MYO18A: variants seen among roughly 807,000 people sequenced by gnomAD.
The protein encoded by MYO18A is myosin XVIIIA.
MYO18A carries 78 observed loss-of-function variants against 235.8 expected under a neutral mutation model. The observed-to-expected ratio is 0.33, with a 90% confidence interval of 0.28 to 0.40. The LOEUF is 0.40. Ranked by LOEUF, MYO18A falls within the 10% of genes least tolerant of loss-of-function variation. The pLI, the probability that MYO18A is intolerant of heterozygous loss-of-function variation, is 1.00. For synonymous variants in MYO18A, 977 were observed against 1,077.8 expected (o/e 0.91, Z 1.83); for missense variants, 2,215 against 2,699.3 (o/e 0.82, Z 3.98).
intron 10 of MYO18A, 32 bp from the exon 11 acceptor site, chr17:29,116,487 A>G (rs765417923): frequency 8.1e-6 from 13 of 1,613,814 alleles, no homozygotes; most frequent in South Asian, 2.2e-5. Flanking sequence ...TGCAGCATGC[A>G]AAGAAAAACA....
chr17:29,112,757 GA>G (rs1188315872), intron 15 of MYO18A, among the ~76,000 whole-genome samples: 1 of 152,212 alleles, frequency 6.6e-6, no homozygotes, highest in Non-Finnish European at 1.5e-5. Context: ...AAAGAAGTGA[GA>G]AAAGGGCCAT....
intron 1 of MYO18A, among the ~76,000 whole-genome samples, chr17:29,176,930 C>T (rs1456843913): frequency 2.0e-5 from 3 of 152,208 alleles, no homozygotes; most frequent in Admixed American, 1.3e-4. Flanking sequence ...GCGATCCCAT[C>T]TCCCCCGGAA....
At position 29,140,425 on chromosome 17, in the gene MYO18A, A is replaced by C. The variant is rs572985979; in HGVS notation, c.1000-18172T>G. 1.8e-5 allele frequency: 23 copies of C among 1,273,698 alleles called. 1 individual carries two copies. In the African/African-American group the frequency reaches 2.6e-4, roughly 14 times the overall value. The allele number at this position is 1,273,698 out of a possible 1,614,324, so 78.9% of individuals were successfully genotyped here. ...CTCCGTTAGCAGCTCAAAATAGCAC[A>C]GGCTGTGGCCCCGCCCAGTTCCCGC... On this transcript the variant is annotated intron_variant, in intron 2 of 41. Coordinates refer to ENST00000527372, the MANE Select transcript of MYO18A (RefSeq NM_078471.4). This position sits in a 1 kb window ranked among gnomAD's most constrained non-coding sequence, Gnocchi z 4.2.
chr17:29,107,208 A>G lies in MYO18A; in HGVS notation c.3332-19T>C, dbSNP rs1426370179. 6.2e-7 allele frequency: 1 copy of G among 1,613,168 alleles called. No homozygotes were observed. The highest frequency in any genetic ancestry group is 8.5e-7 in the Non-Finnish European group (1 of 1,179,154). Reference sequence around the variant, plus strand: ...GGGTAACCTAGAGAGAGCAGCCCAGAGCCAGGCCTGTCAACGCCACCTGCT... The same window carrying G: ...GGGTAACCTAGAGAGAGCAGCCCAGGGCCAGGCCTGTCAACGCCACCTGCT... On this transcript the variant is annotated intron_variant, in intron 19 of 41. Coordinates refer to ENST00000527372, the MANE Select transcript of MYO18A (RefSeq NM_078471.4).
At chr17:29,087,423 C>G (rs2066282904) in intron 37 of MYO18A, among the ~76,000 whole-genome samples, 1 of 152,190 alleles carries the variant, frequency 6.6e-6, no homozygotes. Context: ...GTTCTGGGTA[C>G]AGCCTGGTGG....
intron 41 of MYO18A, chr17:29,076,462 T>G (rs2065982646): frequency 6.6e-6 from 1 of 151,992 alleles, no homozygotes. Context: ...ATAGAATACA[T>G]GTTCAATTAT....
chr17:29,167,106 T>C, intron 1 of MYO18A, 85 bp from the exon 2 acceptor site: 1 of 911,914 alleles, frequency 1.1e-6, no homozygotes, highest in Non-Finnish European at 1.6e-6. Flanking sequence ...ATGATACAGC[T>C]ACTCCTCACT....
At chr17:29,098,539 G>T in intron 23 of MYO18A, 94 bp from the exon 24 acceptor site, 1 of 1,432,274 alleles carries the variant, frequency 7.0e-7, no homozygotes, top group Non-Finnish European at 9.7e-7. Flanking sequence ...AGCTGATGAA[G>T]CTTGGGCCAG....
intron 41 of MYO18A, chr17:29,079,851 T>C (rs1044679184): frequency 1.1e-5 from 11 of 986,006 alleles, no homozygotes; most frequent in Non-Finnish European, 1.3e-5. Flanking sequence ...TTTCTGCAGC[T>C]GGGCCCTTCT....
chr17:29,107,022 A>C, intron 20 of MYO18A, 58 bp downstream of exon 20: 1 of 1,512,934 alleles, frequency 6.6e-7, no homozygotes, highest in Non-Finnish European at 9.2e-7. Context: ...GAGTCTGGAA[A>C]GGGCAGCTGC....
At chr17:29,123,238 C>T (rs1001837141) in intron 2 of MYO18A, among the ~76,000 whole-genome samples, 7 of 152,166 alleles carry the variant, frequency 4.6e-5, no homozygotes, top group African/African-American at 1.7e-4. Flanking sequence ...ACCCAGGGCC[C>T]ATCGGGCTCC....
chr17:29,080,468 G>A (rs2066091919), intron 41 of MYO18A: 8 of 986,130 alleles, frequency 8.1e-6, no homozygotes, highest in Non-Finnish European at 9.6e-6. Flanking sequence ...AGGCAGCTCC[G>A]GCCCAGGGAC....
rs771491044 is a variant in MYO18A at position 29,120,746 on chromosome 17, T to C, written c.1598A>G (p.Gln533Arg). 6 of 1,613,360 alleles carry C rather than the reference T, an allele frequency of 3.7e-6. No individual in the cohort carries two copies. The highest frequency in any genetic ancestry group is 1.7e-5 in the Admixed American group (1 of 59,936). Reference sequence around the variant, plus strand: ...GGCTTCCAGGAGGGTGTACAGAGCCTGCCACTTCTCCACTGCAGAATACAG... The same window carrying C: ...GGCTTCCAGGAGGGTGTACAGAGCCCGCCACTTCTCCACTGCAGAATACAG... Reference protein sequence around the residue: ...GNKVFSVEKWQALYTLLEAFG... With the variant: ...GNKVFSVEKWRALYTLLEAFG... Residue 533 changes from glutamine to arginine, a missense_variant, in exon 7 of 42, where the codon CAG (glutamine) becomes CGG (arginine). Coordinates refer to ENST00000527372, the MANE Select transcript of MYO18A (RefSeq NM_078471.4). This position sits in a 1 kb window ranked among gnomAD's most constrained non-coding sequence, Gnocchi z 4.2.
At chr17:29,133,961 G>C (rs2067535346) in intron 2 of MYO18A, 1 of 780,438 alleles carries the variant, frequency 1.3e-6, no homozygotes, top group Admixed American at 3.0e-5. Flanking sequence ...AAGGGGAAAG[G>C]AGGGATGGAG....
intron 2 of MYO18A, among the ~76,000 whole-genome samples, chr17:29,134,844 G>C (rs527314931): frequency 6.6e-6 from 1 of 152,110 alleles, no homozygotes; most frequent in South Asian, 2.1e-4. Flanking sequence ...CCTTAATACA[G>C]TAAACCAAAG....
intron 2 of MYO18A, among the ~76,000 whole-genome samples, chr17:29,164,083 T>C (rs2068230018): frequency 1.3e-5 from 2 of 152,110 alleles, no homozygotes; most frequent in South Asian, 4.2e-4. Context: ...AGAGACAAGG[T>C]TTCTTCCTGT....
chr17:29,176,435 C>CGT (rs2068529640), intron 1 of MYO18A: 1 of 152,146 alleles, frequency 6.6e-6, no homozygotes, highest in African/African-American at 2.4e-5. Context: ...AGTCCCAAGA[C>CGT]AAGGGTGCCC....
chr17:29,124,821 G>T (rs968273836), intron 2 of MYO18A: 22 of 669,542 alleles, frequency 3.3e-5, no homozygotes, highest in Non-Finnish European at 6.3e-6. Context: ...CGGGGTGAAG[G>T]TGGGGGAGCT....
At chr17:29,075,033 G>T in intron 41 of MYO18A, 119 bp from the exon 42 acceptor site, 1 of 1,239,674 alleles carries the variant, frequency 8.1e-7, no homozygotes, top group Non-Finnish European at 1.1e-6. Flanking sequence ...GCCAAACATT[G>T]TTAAGTAAAA....
Sources: allele counts gnomAD v4.1 joint callset (sites outside exome capture counted in the v4.1 genomes callset), GRCh38; gene constraint gnomAD v4.1.1; non-coding constraint Gnocchi (gnomAD v3.1); transcripts MANE v1.5; gene names NCBI Gene and HGNC (gene_info 2026-07-23, HGNC 2026-07-21).